Variants in LACTB2 observed in about 807,000 individuals in gnomAD.
LACTB2 encodes the protein endoribonuclease LACTB2.
LACTB2 carries 32 observed loss-of-function variants against 34.8 expected under a neutral mutation model. That is an observed-to-expected ratio of 0.92 (90% CI 0.69 to 1.24). The LOEUF (loss-of-function observed/expected upper bound fraction) is 1.24, where lower values mean the gene tolerates loss of function less well. LACTB2 is among the 50% of genes most tolerant of loss of function. The probability of loss-of-function intolerance (pLI) is 0.00; values close to 1 mark genes in which losing one functional copy is unlikely to be tolerated. For synonymous variants in LACTB2, 120 were observed against 117.5 expected (o/e 1.02, Z -0.14); for missense variants, 320 against 345.0 (o/e 0.93, Z 0.57).
rs898566376 is a variant in LACTB2 at position 70,669,183 on chromosome 8, C to T, written c.-63G>A. 1.9e-6 allele frequency: 3 copies of T among 1,584,308 alleles called. No homozygotes were observed. Among genetic ancestry groups the T allele is most frequent in the Admixed American group, 1.7e-5 (1 of 57,240 alleles). On this transcript the variant is annotated 5_prime_UTR_variant, in exon 1 of 7. Coordinates refer to ENST00000276590, the MANE Select transcript of LACTB2 (RefSeq NM_016027.3). The stretch of plus-strand genomic sequence containing the variant: ...GATACTCCAGCGCGGAAGAAGCCAA[C>T]AGGCCGGGGATAGCGAGTAGCGTCC...
intron 2 of LACTB2, chr8:70,661,163 C>T (rs1216703101): frequency 2.5e-6 from 1 of 393,362 alleles, no homozygotes; most frequent in Non-Finnish European, 5.0e-6. Context: ...ACTGCTATAC[C>T]CCTTGTGCCA....
At chr8:70,667,121 A>G (rs1320224197) in intron 1 of LACTB2, among the ~76,000 whole-genome samples, 1 of 152,234 alleles carries the variant, frequency 6.6e-6, no homozygotes, top group African/African-American at 2.4e-5. Flanking sequence ...AGATTTGATA[A>G]AGAAGATGAC....
intron 1 of LACTB2, among the ~76,000 whole-genome samples, chr8:70,664,179 A>G (rs1818512674): frequency 6.6e-6 from 1 of 152,172 alleles, no homozygotes; most frequent in Non-Finnish European, 1.5e-5. Context: ...GAATACTTCC[A>G]TGCTTCAGGT....
intron 3 of LACTB2, chr8:70,652,605 A>T (rs1372204345): frequency 6.6e-6 from 1 of 152,104 alleles, no homozygotes; most frequent in Admixed American, 6.5e-5. Flanking sequence ...GCATCAATTC[A>T]CTCCAGGAAT....
intron 5 of LACTB2, 137 bp from the exon 6 acceptor site, chr8:70,638,766 G>C: frequency 5.9e-6 from 4 of 677,874 alleles, no homozygotes; most frequent in Non-Finnish European, 8.4e-6. Context: ...TTTTGAGACA[G>C]AGTCTCACTC....
chr8:70,643,208 C>CTTT lies in LACTB2; in HGVS notation c.592+854_592+856dup, dbSNP rs66482767. Among the ~76,000 whole-genome samples, 14 of 76,216 alleles carry CTTT rather than the reference C, an allele frequency of 1.8e-4. 1 individual carries two copies. Among genetic ancestry groups the CTTT allele is most frequent in the Non-Finnish European group, 2.7e-4 (11 of 40,140 alleles). 50.0% of individuals were successfully genotyped at this position (76,216 alleles called of 152,430 possible). Reference sequence around the variant, plus strand: ...AGACAGGACTTAGGGGTGTATTTTCCTTTTTTTTTTTTTTTTTTTTTTTTT... The same window carrying CTTT: ...AGACAGGACTTAGGGGTGTATTTTCCTTTTTTTTTTTTTTTTTTTTTTTTTTTT... On this transcript the variant is annotated intron_variant, in intron 4 of 6. Coordinates refer to ENST00000276590, the MANE Select transcript of LACTB2 (RefSeq NM_016027.3).
chr8:70,637,878 TTTC>T lies in LACTB2; in HGVS notation c.846_848del (p.Lys283del). ...TCTGAAACTAAAGATGAGCTTTCCA[TTTC>T]TTGTCAGGATCTGTGTTGCTAACTG... On this transcript the variant is annotated inframe_deletion, in exon 7 of 7. Coordinates refer to ENST00000276590, the MANE Select transcript of LACTB2 (RefSeq NM_016027.3). The T allele has an allele frequency of 6.4e-7, 1 of 1,559,100 alleles. No homozygotes were observed. Among genetic ancestry groups the T allele is most frequent in the South Asian group, 1.2e-5 (1 of 80,076 alleles).
At chr8:70,663,234 A>G (rs1818500967) in intron 1 of LACTB2, 1 of 152,234 alleles carries the variant, frequency 6.6e-6, no homozygotes, top group African/African-American at 2.4e-5. Context: ...ATAAACAATA[A>G]AAGTAACATA....
chr8:70,666,129 T>C (rs1306794828), intron 1 of LACTB2, among the ~76,000 whole-genome samples: 2 of 152,170 alleles, frequency 1.3e-5, no homozygotes, highest in African/African-American at 4.8e-5. Context: ...GCTCATTCAT[T>C]CAGCAACTGT....
intron 4 of LACTB2, 79 bp from the exon 5 acceptor site, chr8:70,641,129 T>A: frequency 8.1e-7 from 1 of 1,237,388 alleles, no homozygotes; most frequent in Non-Finnish European, 1.1e-6. Flanking sequence ...TCACTCTATT[T>A]AAAAATAATT....
In LACTB2 at chr8:70,637,794, C is replaced by T. The variant is rs1818141916; in HGVS notation, c.*66G>A. The stretch of plus-strand genomic sequence containing the variant: ...TACTTTTATATTCTCTATAAAATAA[C>T]CTATAGTTAAGAAAACATACCATTC... On this transcript the variant is annotated 3_prime_UTR_variant, in exon 7 of 7. Transcript: ENST00000276590. 1 of 926,338 alleles carries T rather than the reference C, an allele frequency of 1.1e-6. No individual in the cohort carries two copies. The highest frequency in any genetic ancestry group is 2.6e-5 in the East Asian group (1 of 38,080). The allele number at this position is 926,338 out of a possible 1,614,324, so 57.4% of individuals were successfully genotyped here.
intron 5 of LACTB2, among the ~76,000 whole-genome samples, chr8:70,640,063 T>C (rs1238981682): frequency 6.6e-6 from 1 of 152,182 alleles, no homozygotes; most frequent in Non-Finnish European, 1.5e-5. Context: ...CAGGCTCATG[T>C]GATCCTCCCA....
rs765805665 is a variant in LACTB2, at chr8:70,657,798, A to G, written c.371T>C (p.Leu124Pro). The G allele has an allele frequency of 6.2e-7, 1 of 1,613,044 alleles. No homozygotes were observed. Among genetic ancestry groups the G allele is most frequent in the East Asian group, 2.2e-5 (1 of 44,854 alleles). The change falls in exon 3 of 7, where the codon CTG (leucine) becomes CCG (proline). Residue 124 changes from leucine (L) to proline (P), a missense_variant. Physicochemically the swap from Leu to Pro is moderately conservative, Grantham distance 98 (BLOSUM62 -3). Transcript: ENST00000276590. ...AGTCTTAATCACATCTCCATCTTTC[A>G]GATAAACATATTGTTGCTCTCCATT... ...IGNGEQQYVY[L>P]KDGDVIKTEG...
intron 5 of LACTB2, among the ~76,000 whole-genome samples, chr8:70,639,280 C>T (rs1476680795): frequency 1.3e-5 from 2 of 151,982 alleles, no homozygotes; most frequent in Admixed American, 6.6e-5. Flanking sequence ...GTGCCTCAGC[C>T]TCCCGAGTAG....
intron 6 of LACTB2, among the ~76,000 whole-genome samples, 164 bp from the exon 7 acceptor site, chr8:70,638,067 C>T (rs1818145938): frequency 1.3e-5 from 2 of 152,132 alleles, no homozygotes; most frequent in South Asian, 4.1e-4. Context: ...GCTAAGGCTT[C>T]TACATCAAAT....
At chr8:70,662,559 C>T (rs1818493772) in intron 1 of LACTB2, 1 of 152,172 alleles carries the variant, frequency 6.6e-6, no homozygotes, top group Non-Finnish European at 1.5e-5. Context: ...ACCCCATTAG[C>T]TGTATTTTTT....
At chr8:70,656,134 TTC>T (rs1818408983) in intron 3 of LACTB2, among the ~76,000 whole-genome samples, 1 of 152,164 alleles carries the variant, frequency 6.6e-6, no homozygotes. Context: ...TCTGTGGGTT[TTC>T]TGTTTACTCT....
At chr8:70,668,873 A>T in intron 1 of LACTB2, 126 bp downstream of exon 1, 1 of 1,315,378 alleles carries the variant, frequency 7.6e-7, no homozygotes, top group Non-Finnish European at 1.0e-6. Context: ...CGGGGCTGCT[A>T]GGCGCGGGGC....
chr8:70,653,519 T>C (rs1586787025), intron 3 of LACTB2, among the ~76,000 whole-genome samples: 1 of 152,222 alleles, frequency 6.6e-6, no homozygotes, highest in African/African-American at 2.4e-5. Flanking sequence ...TCATTTTCTC[T>C]TACTCATCTG....
Sources: allele counts gnomAD v4.1 joint callset (sites outside exome capture counted in the v4.1 genomes callset), GRCh38; gene constraint gnomAD v4.1.1; transcripts MANE v1.5; gene names NCBI Gene and HGNC (gene_info 2026-07-23, HGNC 2026-07-21).